PPARGC1A: variants seen among roughly 807,000 people sequenced by gnomAD.
PPARGC1A encodes PPARG coactivator 1 alpha.
PPARGC1A carries 25 observed loss-of-function variants against 88.7 expected under a neutral mutation model. That is an observed-to-expected ratio of 0.28 (90% CI 0.21 to 0.39). The LOEUF is 0.39. Among genes scored for constraint, PPARGC1A ranks in the 10% least tolerant of loss-of-function variants. The pLI, the probability that PPARGC1A is intolerant of heterozygous loss-of-function variation, is 1.00. For missense variants in PPARGC1A, 880 were observed against 968.7 expected, an observed-to-expected ratio of 0.91 and a Z score of 1.22; for synonymous variants, 363 against 355.6, an observed-to-expected ratio of 1.02 and a Z score of -0.24.
chr4:24,121,728 T>A, the PPARGC1A span, among the ~76,000 whole-genome samples: 3 of 152,180 alleles, frequency 2.0e-5, no homozygotes, highest in African/African-American at 7.2e-5. Context: ...TGGTCCTACA[T>A]TCATTATACT....
rs1162745368 is a variant in PPARGC1A, at chr4:23,814,503, G to A, written c.980C>T (p.Pro327Leu). The change falls in exon 8 of 13, where the codon CCA becomes CTA. Residue 327 changes from proline (P) to leucine (L), a missense_variant. Physicochemically the swap from Pro to Leu is moderately conservative, Grantham distance 98 (BLOSUM62 -3). Transcript: ENST00000264867. The part of the protein sequence containing the change: ...KSSCKTVVPP[P>L]SKKPRYSESS... Reference sequence around the variant, plus strand: ...CTCACTGTACCTGGGCTTCTTTGATGGTGGTGGCACCACAGTCTTGCAAGA... The same window carrying A: ...CTCACTGTACCTGGGCTTCTTTGATAGTGGTGGCACCACAGTCTTGCAAGA... 6.2e-7 allele frequency: 1 copy of A among 1,613,476 alleles called. No individual in the cohort carries two copies. Among genetic ancestry groups the A allele is most frequent in the Admixed American group, 1.7e-5 (1 of 59,964 alleles).
chr4:24,337,409 A>G, the PPARGC1A span, among the ~76,000 whole-genome samples: 1 of 152,218 alleles, frequency 6.6e-6, no homozygotes, highest in Non-Finnish European at 1.5e-5. Flanking sequence ...AGATGAATAG[A>G]ACATTATCCC....
At chr4:24,114,123 CAAAAAAAAAAAA>C in the PPARGC1A span, among the ~76,000 whole-genome samples, 1 of 60,874 alleles carries the variant, frequency 1.6e-5, no homozygotes, top group South Asian at 8.1e-4. Context: ...GACTCCATCA[CAAAAAAAAAAAA>C]AAAAAAAAAA....
intron 2 of PPARGC1A, among the ~76,000 whole-genome samples, chr4:23,835,861 C>G (rs932975473): frequency 6.6e-6 from 1 of 152,074 alleles, no homozygotes; most frequent in African/African-American, 2.4e-5. Context: ...TCAAACACCC[C>G]GGAGAAGGCA....
At chr4:24,440,964 C>A in the PPARGC1A span, among the ~76,000 whole-genome samples, 2 of 152,182 alleles carry the variant, frequency 1.3e-5, no homozygotes, top group East Asian at 1.9e-4. Context: ...TACCTAGCAA[C>A]GATTGACGGA....
the PPARGC1A span, among the ~76,000 whole-genome samples, chr4:24,415,163 C>T: frequency 6.6e-6 from 1 of 151,092 alleles, no homozygotes; most frequent in African/African-American, 2.4e-5. Context: ...GCACTCCAGC[C>T]TGGGTGACAG....
At chr4:23,962,391 G>A in the PPARGC1A span, among the ~76,000 whole-genome samples, 1 of 152,096 alleles carries the variant, frequency 6.6e-6, no homozygotes, top group Non-Finnish European at 1.5e-5. Flanking sequence ...GAGAGCCGCA[G>A]AGAGTTCATA....
At chr4:24,254,209 T>A in the PPARGC1A span, among the ~76,000 whole-genome samples, 4,241 of 152,310 alleles carry the variant, frequency 0.028, 59 homozygotes, top group Admixed American at 0.041. Flanking sequence ...TCTTTCCATA[T>A]GTTACCTCAG....
chr4:24,251,861 G>C, the PPARGC1A span, among the ~76,000 whole-genome samples: 14 of 152,158 alleles, frequency 9.2e-5, no homozygotes, highest in African/African-American at 3.1e-4. Flanking sequence ...CCAGACAGGA[G>C]CACCCTCTCG....
chr4:24,434,844 T>A, the PPARGC1A span, among the ~76,000 whole-genome samples: 70,597 of 152,030 alleles, frequency 0.46, 17,007 homozygotes, highest in African/African-American at 0.58. Context: ...CCAAAACTCA[T>A]CCACCTCGTG....
chr4:24,440,194 C>T, the PPARGC1A span, among the ~76,000 whole-genome samples: 9 of 152,220 alleles, frequency 5.9e-5, no homozygotes, highest in South Asian at 4.1e-4. Context: ...ACTTTTCATA[C>T]ATCCCTCCAG....
At chr4:23,821,233 C>T (rs189391375) in intron 7 of PPARGC1A, among the ~76,000 whole-genome samples, 8 of 152,190 alleles carry the variant, frequency 5.3e-5, no homozygotes, top group Admixed American at 4.6e-4. Context: ...TGCTTTGAAC[C>T]CAGGGTCCAT....
chr4:24,039,322 A>G, the PPARGC1A span, among the ~76,000 whole-genome samples: 1 of 152,132 alleles, frequency 6.6e-6, no homozygotes, highest in African/African-American at 2.4e-5. Context: ...ACACAATTGC[A>G]AGGAGTTGAG....
the PPARGC1A span, among the ~76,000 whole-genome samples, chr4:24,177,310 T>C: frequency 0.11 from 17,128 of 152,064 alleles, 1,381 homozygotes; most frequent in South Asian, 0.28. Context: ...GTTCATGTCC[T>C]TTGTAGGGAC....
the PPARGC1A span, among the ~76,000 whole-genome samples, chr4:24,312,328 C>T: frequency 6.6e-6 from 1 of 152,140 alleles, no homozygotes; most frequent in Non-Finnish European, 1.5e-5. Flanking sequence ...TCCATTCATC[C>T]TGGACTATAA....
chr4:24,003,855 G>T, the PPARGC1A span, among the ~76,000 whole-genome samples: 2 of 149,740 alleles, frequency 1.3e-5, no homozygotes. Context: ...CACTCTGGCT[G>T]CAGTGTGAAG....
At chr4:24,063,764 C>T in the PPARGC1A span, among the ~76,000 whole-genome samples, 1 of 152,184 alleles carries the variant, frequency 6.6e-6, no homozygotes, top group Non-Finnish European at 1.5e-5. Flanking sequence ...TGCATCTCGA[C>T]AGTCACCTGC....
the PPARGC1A span, among the ~76,000 whole-genome samples, chr4:23,925,957 T>C: frequency 1.3e-5 from 2 of 152,166 alleles, no homozygotes; most frequent in Non-Finnish European, 2.9e-5. Context: ...TGGTGTTAGT[T>C]GGGCTCCTAA....
At chr4:24,344,362 A>C in the PPARGC1A span, among the ~76,000 whole-genome samples, 3 of 151,970 alleles carry the variant, frequency 2.0e-5, no homozygotes, top group Non-Finnish European at 4.4e-5. Context: ...TTACATTCCC[A>C]CCGGAAGTGT....
Sources: allele counts gnomAD v4.1 joint callset (sites outside exome capture counted in the v4.1 genomes callset), GRCh38; gene constraint gnomAD v4.1.1; transcripts MANE v1.5; gene names NCBI Gene and HGNC (gene_info 2026-07-23, HGNC 2026-07-21).